The following MYH15 variants were observed in gnomAD, a reference collection of about 807,000 sequenced individuals.
The protein encoded by MYH15 is myosin heavy chain 15.
Under a neutral mutation model 240.5 loss-of-function variants are expected in MYH15, and 227 were observed. The ratio of observed to expected loss-of-function variants is 0.94; its 90% CI spans 0.85 to 1.05. The LOEUF is 1.05. Ranked by LOEUF, MYH15 falls within the 50% of genes least tolerant of loss-of-function variation. MYH15 has a pLI of 0.00. For missense variants in MYH15, 2,217 were observed against 2,247.5 expected, an observed-to-expected ratio of 0.99 and a Z score of 0.27; for synonymous variants, 785 against 796.7, an observed-to-expected ratio of 0.99 and a Z score of 0.25.
chr3:108,526,902 GT>G, intron 1 of MYH15, among the ~76,000 whole-genome samples: 1 of 152,256 alleles, frequency 6.6e-6, no homozygotes, highest in Admixed American at 6.5e-5. Context: ...ATCAAACGCA[GT>G]GAGTTAAAAT....
At position 108,414,229 on chromosome 3, in the gene MYH15, C is replaced by CA; in HGVS notation, c.4145+2dup. 6.2e-7 allele frequency: 1 copy of CA among 1,613,324 alleles called. No homozygotes were observed. The highest frequency in any genetic ancestry group is 8.5e-7 in the Non-Finnish European group (1 of 1,179,392). On this transcript the variant is annotated splice_region_variant and intron_variant, in intron 30 of 40. Transcript: ENST00000693548. ...AGGTTAAGGATAGCCTTGCCCTACT[C>CA]ACTTGGCATCCTCCAAGTCTTCTGT...
intron 35 of MYH15, among the ~76,000 whole-genome samples, chr3:108,394,650 T>G (rs946429625): frequency 6.6e-6 from 1 of 152,172 alleles, no homozygotes; most frequent in Non-Finnish European, 1.5e-5. Context: ...TACTTTACAG[T>G]GAGGAGGTGG....
At chr3:108,409,062 T>C (rs2082568370) in intron 31 of MYH15, among the ~76,000 whole-genome samples, 1 of 152,110 alleles carries the variant, frequency 6.6e-6, no homozygotes, top group Admixed American at 6.5e-5. Context: ...AGAGGTGTGG[T>C]ATAGGGCCAA....
chr3:108,455,932 T>C, intron 19 of MYH15, 73 bp from the exon 20 acceptor site: 1 of 1,450,454 alleles, frequency 6.9e-7, no homozygotes, highest in Non-Finnish European at 9.6e-7. Flanking sequence ...TCTAGACAAA[T>C]GAGGTGAAAG....
At chr3:108,437,778 C>T in intron 24 of MYH15, 79 bp from the exon 25 acceptor site, 3 of 1,270,704 alleles carry the variant, frequency 2.4e-6, no homozygotes, top group South Asian at 1.8e-5. Flanking sequence ...AACCACTTAC[C>T]TTCTGGAAAA....
At chr3:108,511,684 T>C (rs566339614), upstream of MYH15, among the ~76,000 whole-genome samples, 35 of 152,340 alleles carry the variant, frequency 2.3e-4, no homozygotes, top group Admixed American at 2.6e-4. Context: ...CATTTATAGG[T>C]AAGAAGGTAG....
rs1425982844 is a variant in MYH15, at chr3:108,439,725, A to T, written c.3075+12T>A. 6.4e-7 allele frequency: 1 copy of T among 1,562,808 alleles called. No individual in the cohort carries two copies. Among genetic ancestry groups the T allele is most frequent in the Admixed American group, 1.9e-5 (1 of 52,360 alleles). On this transcript the variant is annotated intron_variant, in intron 24 of 40. Coordinates refer to ENST00000693548, the MANE Select transcript of MYH15 (RefSeq NM_014981.3). ...GACAGATAGATAACTAACCAGATAC[A>T]CCGTTACTGACCTCATCAACTTGCT...
At chr3:108,394,432 T>C (rs1355550966) in intron 35 of MYH15, among the ~76,000 whole-genome samples, 5 of 152,038 alleles carry the variant, frequency 3.3e-5, no homozygotes, top group African/African-American at 7.2e-5. Context: ...GCCCCAAACG[T>C]GTTTGGTTTT....
intron 14 of MYH15, among the ~76,000 whole-genome samples, chr3:108,469,754 T>C (rs2083154931): frequency 1.3e-5 from 2 of 152,204 alleles, no homozygotes; most frequent in Non-Finnish European, 2.9e-5. Context: ...AGCATGACCA[T>C]TTTTAAACTC....
intron 1 of MYH15, among the ~76,000 whole-genome samples, chr3:108,507,649 T>A (rs2083488893): frequency 6.6e-6 from 1 of 152,186 alleles, no homozygotes; most frequent in Admixed American, 6.5e-5. Flanking sequence ...ACGACTTTCT[T>A]GCTATCAGTG....
intron 21 of MYH15, among the ~76,000 whole-genome samples, chr3:108,451,107 C>A (rs962535808): frequency 9.9e-5 from 15 of 152,170 alleles, no homozygotes; most frequent in African/African-American, 3.6e-4. Flanking sequence ...AGGCCAGGTA[C>A]AGTGGCTCAT....
At chr3:108,524,703 C>T (rs1353851533) in intron 1 of MYH15, among the ~76,000 whole-genome samples, 1 of 151,930 alleles carries the variant, frequency 6.6e-6, no homozygotes, top group African/African-American at 2.4e-5. Context: ...TTGCAAGTAG[C>T]GTAGTTAGAA....
intron 1 of MYH15, among the ~76,000 whole-genome samples, chr3:108,515,646 G>A (rs2083556184): frequency 6.6e-6 from 1 of 152,192 alleles, no homozygotes; most frequent in African/African-American, 2.4e-5. Flanking sequence ...AAGATGATGT[G>A]AAGATTGTGT....
Position 108,455,761 on chromosome 3 carries a change from G to C in MYH15, c.2237C>G (p.Thr746Ser). ...ELLGSLEIDH[T>S]QYRFGITKVF... ...CTTAGTGATTCCAAATCGGTACTGG[G>C]TATGGTCTATCTCCAAGGAGCCAAG... Residue 746 changes from threonine (T) to serine (S), a missense_variant, in exon 20 of 41, where the codon ACC becomes AGC. Transcript: ENST00000693548. The C allele has an allele frequency of 6.2e-7, 1 of 1,613,792 alleles. No individual in the cohort carries two copies.
chr3:108,472,317 C>A (rs368156885), intron 12 of MYH15, among the ~76,000 whole-genome samples: 1 of 152,306 alleles, frequency 6.6e-6, no homozygotes, highest in South Asian at 2.1e-4. Flanking sequence ...GGAAACAGAA[C>A]GTGCTCCAAT....
At chr3:108,460,165 G>T in intron 17 of MYH15, 135 bp downstream of exon 17, 1 of 708,266 alleles carries the variant, frequency 1.4e-6, no homozygotes, top group Non-Finnish European at 2.3e-6. Flanking sequence ...GATAATAACA[G>T]CATAAACTTC....
At chr3:108,430,277 G>C (rs1461254002) in intron 26 of MYH15, among the ~76,000 whole-genome samples, 1 of 152,132 alleles carries the variant, frequency 6.6e-6, no homozygotes, top group Non-Finnish European at 1.5e-5. Flanking sequence ...GTGTATGTGT[G>C]CAATTGTGTG....
At chr3:108,412,613 C>G (rs2082602893) in intron 30 of MYH15, among the ~76,000 whole-genome samples, 1 of 152,208 alleles carries the variant, frequency 6.6e-6, no homozygotes, top group Admixed American at 6.5e-5. Flanking sequence ...CGTTTAATAT[C>G]AACTACTATT....
the MYH15 span, among the ~76,000 whole-genome samples, chr3:108,547,690 G>T: frequency 7.2e-5 from 11 of 152,056 alleles, no homozygotes; most frequent in Non-Finnish European, 1.2e-4. Flanking sequence ...AATGATATGG[G>T]TGATGTCATA....
Sources: allele counts gnomAD v4.1 joint callset (sites outside exome capture counted in the v4.1 genomes callset), GRCh38; gene constraint gnomAD v4.1.1; transcripts MANE v1.5; gene names NCBI Gene and HGNC (gene_info 2026-07-23, HGNC 2026-07-21).